AKIRIN1: variants seen among roughly 807,000 people sequenced by gnomAD.
The protein encoded by AKIRIN1 is akirin-1.
A neutral mutation model predicts 25.9 loss-of-function variants in AKIRIN1; 4 were observed. The observed-to-expected ratio is 0.15, with a 90% confidence interval of 0.08 to 0.35. The LOEUF is 0.35. Among genes scored for constraint, AKIRIN1 ranks in the 10% least tolerant of loss-of-function variants. The pLI is 1.00. For synonymous variants in AKIRIN1, 125 were observed against 105.1 expected (o/e 1.19, Z -1.16); for missense variants, 243 against 266.1 (o/e 0.91, Z 0.61).
intron 3 of AKIRIN1, among the ~76,000 whole-genome samples, chr1:39,002,957 T>G (rs1570977536): frequency 6.6e-6 from 1 of 152,230 alleles, no homozygotes; most frequent in South Asian, 2.1e-4. Context: ...CTTCCACTCA[T>G]GTTTTTCACT....
rs1557643382 is a variant in AKIRIN1 at position 39,001,868 on chromosome 1, A to ACTATT, written c.496+762_496+763insCTATT. Among the ~76,000 whole-genome samples the ACTATT allele has an allele frequency of 6.8e-4, 8 of 11,800 alleles. No homozygotes were observed. The South Asian group carries it at 9.0e-3, about 13-fold the overall frequency. 7.7% of individuals were successfully genotyped at this position (11,800 alleles called of 152,430 possible). A position where few individuals can be genotyped will look rare whatever the true frequency, so the allele number is the denominator to read the frequency against. ...CTCAACAGGTGTTGTGGAAGAGTTC[A>ACTATT]GTAACATATTCAAACTTCCTAGTTA... On this transcript the variant is annotated intron_variant, in intron 3 of 4. Coordinates refer to ENST00000432648, the MANE Select transcript of AKIRIN1 (RefSeq NM_024595.3).
In AKIRIN1 at chr1:39,005,271, G is replaced by T. The variant is rs1644025938; in HGVS notation, c.*1216G>T. The T allele has an allele frequency of 6.7e-6, 1 of 148,580 alleles. No homozygotes were observed. The highest frequency in any genetic ancestry group is 1.5e-5 in the Non-Finnish European group (1 of 67,612). The allele number at this position is 148,580 out of a possible 1,614,324, so 9.2% of individuals were successfully genotyped here. ...TGCAGTGAGCACAGATCATGCCACT[G>T]CACTCCAGCCTGGGCAACAAAACGA... On this transcript the variant is annotated 3_prime_UTR_variant, in exon 5 of 5. Coordinates refer to ENST00000432648, the MANE Select transcript of AKIRIN1 (RefSeq NM_024595.3).
At chr1:39,001,239 C>T in intron 3 of AKIRIN1, 133 bp downstream of exon 3, 1 of 901,586 alleles carries the variant, frequency 1.1e-6, no homozygotes, top group Non-Finnish European at 1.6e-6. Context: ...GGAAGTTACT[C>T]TTTGGTGATT....
chr1:38,993,631 CA>C (rs529279921), intron 1 of AKIRIN1, among the ~76,000 whole-genome samples: 35,515 of 108,842 alleles, frequency 0.33, 5,802 homozygotes, highest in Non-Finnish European at 0.42. Context: ...AACTCCATCT[CA>C]AAAAAAAAAA....
chr1:38,991,304 C>T lies in AKIRIN1; in HGVS notation c.-77C>T, dbSNP rs928666437. On this transcript the variant is annotated 5_prime_UTR_variant, in exon 1 of 5. Coordinates refer to ENST00000432648, the MANE Select transcript of AKIRIN1 (RefSeq NM_024595.3). ...GGAGGCGCCATTGGAGCCGGCTTGG[C>T]TGGCGAGCCCGGCTGAGGAGCCTCT... 4.2e-5 allele frequency: 52 copies of T among 1,252,156 alleles called. No homozygotes were observed. Among genetic ancestry groups the T allele is most frequent in the Admixed American group, 3.8e-4 (9 of 23,694 alleles). The allele number at this position is 1,252,156 out of a possible 1,614,324, so 77.6% of individuals were successfully genotyped here.
chr1:39,000,682 G>A (rs1249607898), intron 2 of AKIRIN1, among the ~76,000 whole-genome samples: 2 of 149,736 alleles, frequency 1.3e-5, no homozygotes, highest in Non-Finnish European at 3.0e-5. Context: ...TTGAGATGGC[G>A]TTTTACTCTT....
chr1:38,996,438 A>T (rs991404077), intron 1 of AKIRIN1, among the ~76,000 whole-genome samples: 1 of 148,960 alleles, frequency 6.7e-6, no homozygotes, highest in Admixed American at 6.7e-5. Flanking sequence ...GGCTGGCCTC[A>T]AGTGATCCTC....
intron 3 of AKIRIN1, among the ~76,000 whole-genome samples, chr1:39,001,612 C>T (rs1180139630): frequency 1.3e-5 from 2 of 152,146 alleles, no homozygotes; most frequent in Non-Finnish European, 2.9e-5. Context: ...GTGAGCCCAG[C>T]TCTAGGAGTC....
At chr1:38,993,044 AG>A (rs2148064186) in intron 1 of AKIRIN1, among the ~76,000 whole-genome samples, 1 of 152,376 alleles carries the variant, frequency 6.6e-6, no homozygotes, top group Non-Finnish European at 1.5e-5. Context: ...TAGCTCCTGC[AG>A]ATACCTAAAG....
intron 1 of AKIRIN1, among the ~76,000 whole-genome samples, chr1:38,994,189 C>G (rs1001945306): frequency 5.9e-5 from 9 of 152,052 alleles, no homozygotes; most frequent in Non-Finnish European, 1.2e-4. Context: ...AATACTTATT[C>G]ACTGGAGTTT....
chr1:39,001,624 C>T (rs1400872615), intron 3 of AKIRIN1, among the ~76,000 whole-genome samples: 1 of 152,140 alleles, frequency 6.6e-6, no homozygotes, highest in Non-Finnish European at 1.5e-5. Context: ...CTAGGAGTCT[C>T]CAGCTCCAGG....
intron 1 of AKIRIN1, among the ~76,000 whole-genome samples, chr1:38,997,334 C>T (rs1380468892): frequency 5.9e-5 from 9 of 152,046 alleles, no homozygotes. Context: ...TTGTGATTAC[C>T]TTGACTTATA....
rs10888613 is a variant in AKIRIN1, at chr1:39,001,114, C to A, written c.496+8C>A. ...TCAATACCAAACTAGCAGGTAGGCC[C>A]AGGCAGTGACTGCCATTGTCATTAA... On this transcript the variant is annotated splice_region_variant and intron_variant, in intron 3 of 4. Transcript: ENST00000432648. 6.2e-7 allele frequency: 1 copy of A among 1,603,166 alleles called. No individual in the cohort carries two copies. Among genetic ancestry groups the A allele is most frequent in the African/African-American group, 1.3e-5 (1 of 74,354 alleles).
chr1:39,004,322 C>G lies in AKIRIN1; in HGVS notation c.*267C>G. ...AAAAATACCTGGAGCAGCAGTTTAGCAAAATATGCCTTCAGTGGCATTCAA... is the reference window on the plus strand; with the variant it reads ...AAAAATACCTGGAGCAGCAGTTTAGGAAAATATGCCTTCAGTGGCATTCAA... On this transcript the variant is annotated 3_prime_UTR_variant, in exon 5 of 5. Coordinates refer to ENST00000432648, the MANE Select transcript of AKIRIN1 (RefSeq NM_024595.3). The G allele has an allele frequency of 6.4e-6, 4 of 624,340 alleles. No individual in the cohort carries two copies. The highest frequency in any genetic ancestry group is 5.8e-6 in the Non-Finnish European group (2 of 342,826). 38.7% of individuals were successfully genotyped at this position (624,340 alleles called of 1,614,324 possible). A position where few individuals can be genotyped will look rare whatever the true frequency, so the allele number is the denominator to read the frequency against.
chr1:39,001,147 C>T (rs774955416), intron 3 of AKIRIN1, 41 bp downstream of exon 3: 1 of 1,563,256 alleles, frequency 6.4e-7, no homozygotes, highest in South Asian at 1.2e-5. Flanking sequence ...TAACAGGGTT[C>T]AGTTAAAAAT....
In AKIRIN1 at chr1:39,005,274, C is replaced by A. The variant is rs1195735178; in HGVS notation, c.*1219C>A. ...AGTGAGCACAGATCATGCCACTGCA[C>A]TCCAGCCTGGGCAACAAAACGAGAC... On this transcript the variant is annotated 3_prime_UTR_variant, in exon 5 of 5. Transcript: ENST00000432648. The A allele has an allele frequency of 5.3e-5, 8 of 150,474 alleles. No individual in the cohort carries two copies. The East Asian group carries it at 1.6e-3, about 29-fold the overall frequency. 9.3% of individuals were successfully genotyped at this position (150,474 alleles called of 1,614,324 possible). A position where few individuals can be genotyped will look rare whatever the true frequency, so the allele number is the denominator to read the frequency against.
At chr1:38,997,668 G>C (rs560783555) in intron 1 of AKIRIN1, among the ~76,000 whole-genome samples, 11 of 152,200 alleles carry the variant, frequency 7.2e-5, no homozygotes, top group Non-Finnish European at 1.2e-4. Context: ...CAGCTCCAAA[G>C]ATGCTTTTTT....
intron 2 of AKIRIN1, 91 bp downstream of exon 2, chr1:38,998,402 T>C (rs1284794494): frequency 1.0e-5 from 14 of 1,349,758 alleles, no homozygotes; most frequent in African/African-American, 8.9e-5. Flanking sequence ...TCTAATGTAA[T>C]AGAATTGCTA....
chr1:39,003,319 A>C (rs1276107729), intron 3 of AKIRIN1, 28 bp from the exon 4 acceptor site: 1 of 1,603,558 alleles, frequency 6.2e-7, no homozygotes. Flanking sequence ...AGAGTTGCTG[A>C]GGATAAGTAT....
Sources: allele counts gnomAD v4.1 joint callset (sites outside exome capture counted in the v4.1 genomes callset), GRCh38; gene constraint gnomAD v4.1.1; transcripts MANE v1.5; gene names NCBI Gene and HGNC (gene_info 2026-07-23, HGNC 2026-07-21).